PSKH2: variants seen among roughly 807,000 people sequenced by gnomAD.
PSKH2 encodes the protein serine/threonine-protein kinase H2.
In PSKH2, 16 loss-of-function variants were observed where a neutral mutation model predicts 22.5. That is an observed-to-expected ratio of 0.71 (90% confidence interval 0.48 to 1.08). The LOEUF (loss-of-function observed/expected upper bound fraction) is 1.08, where lower values mean the gene tolerates loss of function less well. Ranked by LOEUF, PSKH2 falls within the 50% of genes least tolerant of loss-of-function variation. The probability of loss-of-function intolerance (pLI) is 0.00; values close to 1 mark genes in which losing one functional copy is unlikely to be tolerated. For synonymous variants in PSKH2, 188 were observed against 184.8 expected (o/e 1.02, Z -0.14); for missense variants, 516 against 492.8 (o/e 1.05, Z -0.44).
At chr8:86,065,041 A>G (rs949164763) in intron 1 of PSKH2, among the ~76,000 whole-genome samples, 2 of 152,208 alleles carry the variant, frequency 1.3e-5, no homozygotes, top group Non-Finnish European at 2.9e-5. Context: ...ATGGGATTCA[A>G]ATCCAGCCCT....
rs780926634 is a variant in PSKH2, at chr8:86,069,603, C to T, written c.20G>A (p.Arg7Lys). The stretch of plus-strand genomic sequence containing the variant: ...CGCTGGTGGCCCCGGGACCACCTTC[C>T]TGCTGGCGCCGCACCCCATACCCGC... MGCGAS[R>K]KVVPGPPALA... is the part of the protein sequence containing the mutation. The change falls in exon 1 of 3, where the codon AGG (arginine) becomes AAG (lysine). Residue 7 changes from arginine (R) to lysine (K), a missense_variant. Physicochemically the swap from Arg to Lys is conservative, Grantham distance 26. Coordinates refer to ENST00000276616, the MANE Select transcript of PSKH2 (RefSeq NM_033126.3). 3.1e-6 allele frequency: 5 copies of T among 1,592,028 alleles called. No individual in the cohort carries two copies. The African/African-American group carries it at 6.8e-5, about 22-fold the overall frequency.
rs972629138 is a variant in PSKH2, at chr8:86,048,174, T to C, written c.*288A>G. 6.6e-6 allele frequency among the ~76,000 whole-genome samples: 1 copy of C among 152,210 alleles called. No individual in the cohort carries two copies. Among genetic ancestry groups the C allele is most frequent in the African/African-American group, 2.4e-5 (1 of 41,450 alleles). On this transcript the variant is annotated 3_prime_UTR_variant, in exon 3 of 3. Transcript: ENST00000276616. ...ATATACATCCCTTATTTCTATAGTA[T>C]TGTATTTTATTTAATCCATTACATA...
At chr8:86,067,805 G>A (rs569641238) in intron 1 of PSKH2, among the ~76,000 whole-genome samples, 3 of 152,240 alleles carry the variant, frequency 2.0e-5, no homozygotes, top group Admixed American at 6.5e-5. Flanking sequence ...GAATCACAAC[G>A]GAGAAGGAAG....
chr8:86,062,236 C>T (rs1006935937), intron 2 of PSKH2, among the ~76,000 whole-genome samples: 5 of 152,194 alleles, frequency 3.3e-5, no homozygotes, highest in Non-Finnish European at 5.9e-5. Context: ...GACTATCATA[C>T]TCTATCATAT....
chr8:86,048,648 A>G lies in PSKH2; in HGVS notation c.972T>C (p.Ala324=), dbSNP rs1817566531. The G allele has an allele frequency of 5.6e-6, 9 of 1,614,180 alleles. No homozygotes were observed. Among genetic ancestry groups the G allele is most frequent in the Non-Finnish European group, 7.6e-6 (9 of 1,180,030 alleles). The change falls in exon 3 of 3, where the codon GCT becomes GCC. Residue 324 remains alanine, a synonymous_variant. Coordinates refer to ENST00000276616, the MANE Select transcript of PSKH2 (RefSeq NM_033126.3). The stretch of plus-strand genomic sequence containing the variant: ...GGAGATTCTTCATGGAAGACCCTGC[A>G]GCCATGGTGATCACCCAGGGATGGT... ...ALDHPWVITM[A]AGSSMKNLQR...
intron 2 of PSKH2, among the ~76,000 whole-genome samples, chr8:86,056,717 C>G (rs1052355765): frequency 6.6e-6 from 1 of 152,170 alleles, no homozygotes; most frequent in Admixed American, 6.5e-5. Context: ...AAAATAGTCT[C>G]AGCACCTACA....
At chr8:86,055,049 T>C (rs935618561) in intron 2 of PSKH2, among the ~76,000 whole-genome samples, 2 of 152,332 alleles carry the variant, frequency 1.3e-5, no homozygotes, top group East Asian at 3.9e-4. Context: ...TATACATTTA[T>C]TATTCATAAC....
chr8:86,056,699 A>G (rs933941413), intron 2 of PSKH2, among the ~76,000 whole-genome samples: 4 of 152,224 alleles, frequency 2.6e-5, no homozygotes, highest in Non-Finnish European at 5.9e-5. Context: ...TGTATATACT[A>G]GCATATGAAA....
At chr8:86,048,861 C>G in intron 2 of PSKH2, 94 bp from the exon 3 acceptor site, 1 of 1,123,554 alleles carries the variant, frequency 8.9e-7, no homozygotes, top group Non-Finnish European at 1.2e-6. Context: ...TAGATCAATG[C>G]CAATCGAATC....
chr8:86,064,086 T>C lies in PSKH2; in HGVS notation c.731A>G (p.Asp244Gly). ...LLRKPYTSAV[D>G]MWALGVITYA... ...TGTGATCACACCAAGAGCCCACATGTCCACTGCACTGGTATAAGGCTTCCT... is the reference window on the plus strand; with the variant it reads ...TGTGATCACACCAAGAGCCCACATGCCCACTGCACTGGTATAAGGCTTCCT... Residue 244 changes from aspartate to glycine, a missense_variant, in exon 2 of 3, where the codon GAC (aspartate) becomes GGC (glycine). By Grantham distance (94) the Asp-to-Gly change is moderately conservative. Transcript: ENST00000276616. 6.2e-7 allele frequency: 1 copy of C among 1,614,166 alleles called. No homozygotes were observed. Among genetic ancestry groups the C allele is most frequent in the South Asian group, 1.1e-5 (1 of 91,082 alleles).
upstream of PSKH2, chr8:86,069,774 A>G (rs942119375): frequency 6.0e-5 from 50 of 836,822 alleles, no homozygotes; most frequent in Non-Finnish European, 8.3e-5. Flanking sequence ...AGCCCCCAGG[A>G]TACCCGCTAA....
At chr8:86,062,790 T>A (rs1026421831) in intron 2 of PSKH2, among the ~76,000 whole-genome samples, 3 of 152,172 alleles carry the variant, frequency 2.0e-5, no homozygotes, top group Non-Finnish European at 2.9e-5. Context: ...CTAAGACAGT[T>A]CTAGATTCAT....
chr8:86,062,667 T>C (rs1238870655), intron 2 of PSKH2, among the ~76,000 whole-genome samples: 4 of 152,168 alleles, frequency 2.6e-5, no homozygotes, highest in African/African-American at 7.2e-5. Flanking sequence ...TCTGTCATGA[T>C]CGTAAATTTC....
rs1817824752 is a variant in PSKH2 at position 86,064,349 on chromosome 8, T to C, written c.468A>G (p.Thr156=). 1 of 1,614,052 alleles carries C rather than the reference T, an allele frequency of 6.2e-7. No individual in the cohort carries two copies. The highest frequency in any genetic ancestry group is 1.7e-5 in the Admixed American group (1 of 60,008). ...FDRLIAQGSF[T]ERDAVRILQM... Reference sequence around the variant, plus strand: ...GGAGGATCCTGACGGCATCCCGCTCTGTAAAGGATCCCTGAGCAATGAGTC... The same window carrying C: ...GGAGGATCCTGACGGCATCCCGCTCCGTAAAGGATCCCTGAGCAATGAGTC... The change falls in exon 2 of 3, where the codon ACA becomes ACG. Residue 156 remains threonine (T), a synonymous_variant. Transcript: ENST00000276616.
chr8:86,049,771 AAAG>A (rs1435897296), intron 2 of PSKH2, among the ~76,000 whole-genome samples: 1 of 129,942 alleles, frequency 7.7e-6, no homozygotes, highest in Non-Finnish European at 1.8e-5. Flanking sequence ...AAGAAAGAGA[AAAG>A]AAAGAAAAAG....
Position 86,048,667 on chromosome 8 carries a change from G to C in PSKH2, c.953C>G (p.Pro318Arg), listed in dbSNP as rs1483557512. ...CCCTGCAGCCATGGTGATCACCCAG[G>C]GATGGTCCAGGGCCTGGCCAGCTGA... The part of the protein sequence containing the change: ...RMSAGQALDH[P>R]WVITMAAGSS... The change falls in exon 3 of 3, where the codon CCC (proline) becomes CGC (arginine). Residue 318 changes from proline to arginine, a missense_variant. Transcript: ENST00000276616. 3.7e-6 allele frequency: 6 copies of C among 1,613,992 alleles called. No homozygotes were observed. In the Admixed American group the frequency reaches 6.7e-5, roughly 18 times the overall value.
chr8:86,063,697 G>A (rs982710608), intron 2 of PSKH2, among the ~76,000 whole-genome samples: 2 of 152,196 alleles, frequency 1.3e-5, no homozygotes, highest in African/African-American at 2.4e-5. Flanking sequence ...TAGTAATGGA[G>A]GCCCTTGCTA....
At chr8:86,058,820 A>T (rs1315722810) in intron 2 of PSKH2, among the ~76,000 whole-genome samples, 1 of 152,244 alleles carries the variant, frequency 6.6e-6, no homozygotes, top group East Asian at 1.9e-4. Context: ...GTGGAGCTAG[A>T]GTATGGCTCT....
intron 2 of PSKH2, among the ~76,000 whole-genome samples, chr8:86,051,719 C>T (rs1817633285): frequency 6.6e-6 from 1 of 152,156 alleles, no homozygotes; most frequent in Admixed American, 6.5e-5. Flanking sequence ...CATTTTAAGA[C>T]AAGCAACTGA....
Sources: allele counts gnomAD v4.1 joint callset (sites outside exome capture counted in the v4.1 genomes callset), GRCh38; gene constraint gnomAD v4.1.1; transcripts MANE v1.5; gene names NCBI Gene and HGNC (gene_info 2026-07-23, HGNC 2026-07-21).